The following KLF12 variants were observed in gnomAD, a reference collection of about 807,000 sequenced individuals.
KLF12 encodes KLF transcription factor 12.
A neutral mutation model predicts 37.8 loss-of-function variants in KLF12; 9 were observed. The ratio of observed to expected loss-of-function variants is 0.24; its 90% CI spans 0.14 to 0.42. The LOEUF (loss-of-function observed/expected upper bound fraction) is 0.42. KLF12 is among the 10% of genes least tolerant of loss of function. KLF12 has a pLI of 1.00. For missense variants in KLF12, 411 were observed against 516.0 expected, an observed-to-expected ratio of 0.80 and a Z score of 1.97; for synonymous variants, 208 against 202.1, an observed-to-expected ratio of 1.03 and a Z score of -0.25.
intron 3 of KLF12, among the ~76,000 whole-genome samples, chr13:73,881,158 A>G (rs1886961461): frequency 2.0e-5 from 3 of 152,112 alleles, no homozygotes; most frequent in Admixed American, 2.0e-4. Flanking sequence ...AACTTACTCC[A>G]TTTTTATAAG....
At chr13:73,796,499 C>CTCT (rs1881973220) in intron 5 of KLF12, among the ~76,000 whole-genome samples, 1 of 122,256 alleles carries the variant, frequency 8.2e-6, no homozygotes, top group Non-Finnish European at 1.8e-5. Context: ...TTTCTCCCTG[C>CTCT]CCCTGTGCTG....
At chr13:74,023,360 G>A (rs1264426383) in intron 1 of KLF12, among the ~76,000 whole-genome samples, 1 of 152,168 alleles carries the variant, frequency 6.6e-6, no homozygotes, top group East Asian at 1.9e-4. Flanking sequence ...CTACTTATTG[G>A]CAGGTGTATT....
chr13:73,988,110 C>G (rs1197067687), intron 2 of KLF12, among the ~76,000 whole-genome samples: 3 of 152,186 alleles, frequency 2.0e-5, no homozygotes, highest in African/African-American at 7.2e-5. Flanking sequence ...CAGTAGATCC[C>G]CTGGAATCAT....
At chr13:73,988,328 C>T (rs1264006723) in intron 2 of KLF12, among the ~76,000 whole-genome samples, 3 of 152,222 alleles carry the variant, frequency 2.0e-5, no homozygotes, top group Non-Finnish European at 4.4e-5. Flanking sequence ...ACCCACATCC[C>T]AATTCCCTGG....
At chr13:73,707,285 C>T (rs1017184660) in intron 7 of KLF12, among the ~76,000 whole-genome samples, 1 of 152,060 alleles carries the variant, frequency 6.6e-6, no homozygotes, top group Non-Finnish European at 1.5e-5. Context: ...GTAAAGCACT[C>T]GAAGAGGTAT....
chr13:73,707,213 G>T (rs1417482009), intron 7 of KLF12, among the ~76,000 whole-genome samples: 4 of 152,094 alleles, frequency 2.6e-5, no homozygotes, highest in African/African-American at 9.7e-5. Context: ...CCTAATACCT[G>T]CCCATGTCCA....
At chr13:74,305,775 T>C in the KLF12 span, among the ~76,000 whole-genome samples, 51 of 152,160 alleles carry the variant, frequency 3.4e-4, no homozygotes, top group South Asian at 8.9e-3. Flanking sequence ...TGATGATAAA[T>C]TGCTGGGGAG....
rs150481048 is a variant in KLF12 at position 73,845,936 on chromosome 13, G to A, written c.561C>T (p.Pro187=). ...CAACAGGCACCGACTGTACCACCAC[G>A]GGGATGCGGTGAACATGACTCAGTT... The change falls in exon 4 of 8, where the codon CCC becomes CCT. Residue 187 remains proline (P), a synonymous_variant. Transcript: ENST00000377669. 640 of 1,614,008 alleles carry A rather than the reference G, an allele frequency of 4.0e-4. No individual in the cohort carries two copies. The highest frequency in any genetic ancestry group is 5.1e-4 in the Non-Finnish European group (601 of 1,179,882).
intron 2 of KLF12, among the ~76,000 whole-genome samples, chr13:73,953,255 C>A (rs1890706246): frequency 6.6e-6 from 1 of 151,488 alleles, no homozygotes; most frequent in African/African-American, 2.4e-5. Context: ...AGGTTCAAAT[C>A]ATATAAAAAA....
At chr13:73,841,189 T>C (rs1884715484) in intron 4 of KLF12, among the ~76,000 whole-genome samples, 1 of 152,180 alleles carries the variant, frequency 6.6e-6, no homozygotes, top group Non-Finnish European at 1.5e-5. Context: ...ATAAGGTAAA[T>C]GCACACTGCA....
intron 1 of KLF12, among the ~76,000 whole-genome samples, chr13:74,133,643 C>G (rs1026542069): frequency 7.1e-6 from 1 of 140,770 alleles, no homozygotes; most frequent in African/African-American, 2.7e-5. Flanking sequence ...GAAAATAAAA[C>G]ACGTTAAGAG....
chr13:74,268,961 G>T, the KLF12 span, among the ~76,000 whole-genome samples: 1 of 152,168 alleles, frequency 6.6e-6, no homozygotes, highest in African/African-American at 2.4e-5. Flanking sequence ...AGAGTTGCTA[G>T]TTCACAGTGG....
At chr13:74,079,315 C>T (rs1314988273) in intron 1 of KLF12, among the ~76,000 whole-genome samples, 4 of 152,052 alleles carry the variant, frequency 2.6e-5, no homozygotes, top group Non-Finnish European at 5.9e-5. Context: ...CTGATGGTTG[C>T]AAAACAATGT....
intron 7 of KLF12, 131 bp downstream of exon 7, chr13:73,715,237 T>C (rs1156488364): frequency 7.8e-6 from 5 of 638,116 alleles, no homozygotes; most frequent in Non-Finnish European, 1.3e-5. Flanking sequence ...GAGAATACAT[T>C]CCGCCTAGAA....
intron 3 of KLF12, among the ~76,000 whole-genome samples, chr13:73,914,576 G>A (rs535022261): frequency 1.3e-5 from 2 of 152,156 alleles, no homozygotes; most frequent in South Asian, 2.1e-4. Context: ...TGAGTTGCAC[G>A]GGTGAAGCAA....
At chr13:74,130,394 C>G (rs922267167) in intron 1 of KLF12, among the ~76,000 whole-genome samples, 3 of 152,240 alleles carry the variant, frequency 2.0e-5, no homozygotes, top group Admixed American at 1.3e-4. Flanking sequence ...TTGTAGCCAG[C>G]GCAGTCGCTG....
chr13:74,280,825 C>CTTTTTTT, the KLF12 span, among the ~76,000 whole-genome samples: 26 of 110,558 alleles, frequency 2.4e-4, no homozygotes, highest in African/African-American at 4.5e-4. Flanking sequence ...TTTCTTTTTT[C>CTTTTTTT]TTTTTTTTTT....
intron 1 of KLF12, among the ~76,000 whole-genome samples, chr13:73,997,359 T>G (rs1203806049): frequency 1.3e-5 from 2 of 152,188 alleles, no homozygotes; most frequent in Admixed American, 1.3e-4. Context: ...CTTTATATAC[T>G]TGCCTACTCT....
At chr13:74,042,248 G>C (rs188930802) in intron 1 of KLF12, among the ~76,000 whole-genome samples, 32 of 149,110 alleles carry the variant, frequency 2.1e-4, no homozygotes, top group African/African-American at 7.7e-4. Flanking sequence ...ATGTTGCAGT[G>C]AGCTGAGATA....
Sources: allele counts gnomAD v4.1 joint callset (sites outside exome capture counted in the v4.1 genomes callset), GRCh38; gene constraint gnomAD v4.1.1; transcripts MANE v1.5; gene names NCBI Gene and HGNC (gene_info 2026-07-23, HGNC 2026-07-21).